The following DNHD1 variants were observed in gnomAD, a reference collection of about 807,000 sequenced individuals.
The protein encoded by DNHD1 is dynein heavy chain domain 1, also known as dynein heavy chain domain-containing protein 1.
A neutral mutation model predicts 458.1 loss-of-function variants in DNHD1; 383 were observed. That is an observed-to-expected ratio of 0.84 (90% CI 0.77 to 0.91). DNHD1 has a LOEUF of 0.91. Ranked by LOEUF, DNHD1 falls within the 40% of genes least tolerant of loss-of-function variation. DNHD1 has a pLI of 0.00. For missense variants in DNHD1, 5,336 were observed against 5,866.1 expected (o/e 0.91, Z 2.95); for synonymous variants, 2,203 against 2,376.9 (o/e 0.93, Z 2.13).
chr11:6,530,223 C>T (rs10769698), intron 12 of DNHD1, among the ~76,000 whole-genome samples: 103,211 of 152,044 alleles, frequency 0.68, 35,234 homozygotes, highest in East Asian at 0.87. Flanking sequence ...CATTCTACTA[C>T]CTATTTTCTC....
In DNHD1 at chr11:6,548,178, T is replaced by G; in HGVS notation, c.6906-32T>G. ...CATAAATGGAAGTGTTGTAACTGTCTGACGCTTTTGCCTGTGTGTCCATCT... is the reference window on the plus strand; with the variant it reads ...CATAAATGGAAGTGTTGTAACTGTCGGACGCTTTTGCCTGTGTGTCCATCT... On this transcript the variant is annotated intron_variant, in intron 22 of 42. Coordinates refer to ENST00000254579, the MANE Select transcript of DNHD1 (RefSeq NM_144666.3). The surrounding 1 kb of genome is among the most constrained non-coding windows in gnomAD (Gnocchi z 4.4). 3 of 1,549,690 alleles carry G rather than the reference T, an allele frequency of 1.9e-6. No homozygotes were observed. Among genetic ancestry groups the G allele is most frequent in the Non-Finnish European group, 2.6e-6 (3 of 1,145,286 alleles).
rs139951286 is a variant in DNHD1, at chr11:6,571,241, C to T, written c.13729C>T (p.Pro4577Ser). ...GVGADASSDV[P>S]ERVFHLSAFR... Reference sequence around the variant, plus strand: ...GGGCGCGGACGCGAGCAGTGATGTACCAGAGCGCGTCTTCCACCTGTCAGC... The same window carrying T: ...GGGCGCGGACGCGAGCAGTGATGTATCAGAGCGCGTCTTCCACCTGTCAGC... Residue 4577 changes from proline (P) to serine (S), a missense_variant, in exon 42 of 43, where the codon CCA becomes TCA. By Grantham distance (74) the Pro-to-Ser change is moderately conservative. This residue lies in a region of DNHD1 where 698 missense variants were observed against 664.9 expected (regional missense o/e 1.05). Transcript: ENST00000254579. This position sits in a 1 kb window ranked among gnomAD's most constrained non-coding sequence, Gnocchi z 5.0. The T allele has an allele frequency of 2.5e-3, 3,978 of 1,612,598 alleles. 16 individuals carry two copies. The highest frequency in any genetic ancestry group is 6.6e-3 in the South Asian group (603 of 90,950).
At chr11:6,511,747 G>A (rs371868258) in intron 7 of DNHD1, among the ~76,000 whole-genome samples, 1 of 152,216 alleles carries the variant, frequency 6.6e-6, no homozygotes, top group Non-Finnish European at 1.5e-5. Context: ...TTGAGAACAG[G>A]AATCCTGGTC....
At chr11:6,559,761 T>C (rs1431818421) in intron 28 of DNHD1, among the ~76,000 whole-genome samples, 1 of 152,242 alleles carries the variant, frequency 6.6e-6, no homozygotes, top group Admixed American at 6.5e-5. Context: ...ATTTGTATTA[T>C]GGCATAGAAC....
chr11:6,528,412 T>TGTGG, intron 10 of DNHD1, 110 bp from the exon 11 acceptor site: 1 of 1,162,980 alleles, frequency 8.6e-7, no homozygotes, highest in Non-Finnish European at 1.2e-6. Context: ...TGGGTGTGTG[T>TGTGG]GTGTGTGTGT....
At chr11:6,514,061 T>A (rs1852403856) in intron 7 of DNHD1, among the ~76,000 whole-genome samples, 1 of 152,086 alleles carries the variant, frequency 6.6e-6, no homozygotes, top group Admixed American at 6.6e-5. Context: ...TTAGCCAGGA[T>A]GGTCTCAATC....
At chr11:6,547,747 G>A (rs1853254855) in intron 21 of DNHD1, 81 bp downstream of exon 21, 7 of 1,484,042 alleles carry the variant, frequency 4.7e-6, no homozygotes, top group South Asian at 1.3e-5. Flanking sequence ...TGGGGCGTGT[G>A]TTCTTTGGTG....
At position 6,546,177 on chromosome 11, in the gene DNHD1, T is replaced by C. The variant is rs1473272561; in HGVS notation, c.5238T>C (p.Pro1746=). 2 of 1,550,970 alleles carry C rather than the reference T, an allele frequency of 1.3e-6. No homozygotes were observed. ...TGGAGAAAGTTCATCAGCTGCCCCC[T>C]GGCTTGCTCTCTGCCCTGGGCCAGC... ...LLLEKVHQLP[P]GLLSALGQRL... Residue 1746 remains proline, a synonymous_variant, in exon 21 of 43, where the codon CCT becomes CCC. Coordinates refer to ENST00000254579, the MANE Select transcript of DNHD1 (RefSeq NM_144666.3).
At chr11:6,501,167 T>C (rs1216980999) in intron 3 of DNHD1, among the ~76,000 whole-genome samples, 1 of 152,096 alleles carries the variant, frequency 6.6e-6, no homozygotes, top group Non-Finnish European at 1.5e-5. Flanking sequence ...GGAAGCTAGA[T>C]TGTGGTGCAT....
Position 6,544,615 on chromosome 11 carries a change from A to G in DNHD1, c.3796A>G (p.Ile1266Val). ...GTGGCTGACTTTCCAGCAGAAGTGG[A>G]TTTTTCTGAATAAAGTTCTGCATGA... is the stretch of plus-strand genomic sequence containing the variant. Reference protein sequence around the residue: ...EVWLTFQQKWIFLNKVLHEMK... With the variant: ...EVWLTFQQKWVFLNKVLHEMK... Residue 1266 changes from isoleucine to valine, a missense_variant, in exon 20 of 43, where the codon ATT becomes GTT. Ile to Val is a conservative substitution (Grantham distance 29). Coordinates refer to ENST00000254579, the MANE Select transcript of DNHD1 (RefSeq NM_144666.3). 1 of 1,551,364 alleles carries G rather than the reference A, an allele frequency of 6.4e-7. No homozygotes were observed. Among genetic ancestry groups the G allele is most frequent in the Non-Finnish European group, 8.7e-7 (1 of 1,146,914 alleles).
In DNHD1 at chr11:6,534,136, C is replaced by G; in HGVS notation, c.2961C>G (p.Asp987Glu). ...GTCAGTTCCAGAACACAGTCAGCGA[C>G]CTCAGTGAACTGCACCACGCCTATG... Reference protein sequence around the residue: ...LERQFQNTVSDLSELHHAYAI... With the variant: ...LERQFQNTVSELSELHHAYAI... The change falls in exon 14 of 43, where the codon GAC becomes GAG. Residue 987 changes from aspartate (D) to glutamate (E), a missense_variant. Transcript: ENST00000254579. 1 of 1,551,296 alleles carries G rather than the reference C, an allele frequency of 6.4e-7. No individual in the cohort carries two copies. Among genetic ancestry groups the G allele is most frequent in the African/African-American group, 1.4e-5 (1 of 73,080 alleles).
rs1401667681 is a variant in DNHD1 at position 6,564,777 on chromosome 11, T to C, written c.10729T>C (p.Phe3577Leu). ...DPLPLEENRS[F>L]APALTEGRGK... ...GCTGCCTCTGGAAGAGAATCGATCT[T>C]TTGCGCCAGCCCTCACTGAGGGTAG... The change falls in exon 32 of 43, where the codon TTT becomes CTT. Residue 3577 changes from phenylalanine (F) to leucine (L), a missense_variant. Phe to Leu is a conservative substitution (Grantham distance 22). Coordinates refer to ENST00000254579, the MANE Select transcript of DNHD1 (RefSeq NM_144666.3). The C allele has an allele frequency of 6.5e-7, 1 of 1,535,556 alleles. No homozygotes were observed. The highest frequency in any genetic ancestry group is 1.4e-5 in the African/African-American group (1 of 72,642).
chr11:6,516,976 AT>A (rs1321169452), intron 7 of DNHD1, among the ~76,000 whole-genome samples: 1 of 152,132 alleles, frequency 6.6e-6, no homozygotes, highest in East Asian at 1.9e-4. Flanking sequence ...TCAGGCCTCT[AT>A]AACAAAATAC....
rs758951617 is a variant in DNHD1, at chr11:6,566,583, C to A, written c.11207-4C>A. On this transcript the variant is annotated splice_region_variant and splice_polypyrimidine_tract_variant and intron_variant, in intron 34 of 42. Transcript: ENST00000254579. Reference sequence around the variant, plus strand: ...AGGTTAAGCATCTCCCATGTTACCCCAAGTGCTAGGTTGTGAACTGCTAAA... The same window carrying A: ...AGGTTAAGCATCTCCCATGTTACCCAAAGTGCTAGGTTGTGAACTGCTAAA... 6.2e-7 allele frequency: 1 copy of A among 1,613,206 alleles called. No homozygotes were observed. Among genetic ancestry groups the A allele is most frequent in the Non-Finnish European group, 8.5e-7 (1 of 1,179,740 alleles).
Position 6,547,072 on chromosome 11 carries a change from C to G in DNHD1, c.6133C>G (p.Leu2045Val). The G allele has an allele frequency of 3.9e-6, 6 of 1,551,702 alleles. No homozygotes were observed. Among genetic ancestry groups the G allele is most frequent in the Non-Finnish European group, 5.2e-6 (6 of 1,146,988 alleles). The change falls in exon 21 of 43, where the codon CTA becomes GTA. Residue 2045 changes from leucine (L) to valine (V), a missense_variant. Leu to Val is a conservative substitution (Grantham distance 32). Coordinates refer to ENST00000254579, the MANE Select transcript of DNHD1 (RefSeq NM_144666.3). ...CAGCCCCCAGGAGTTCCTGGGATGG[C>G]TAGAGGGCTCCTGCTGGCATCATGG... Reference protein sequence around the residue: ...GLSPQEFLGWLEGSCWHHGIF... With the variant: ...GLSPQEFLGWVEGSCWHHGIF...
At chr11:6,527,424 A>T (rs1035060256) in intron 10 of DNHD1, among the ~76,000 whole-genome samples, 1 of 152,226 alleles carries the variant, frequency 6.6e-6, no homozygotes, top group Non-Finnish European at 1.5e-5. Context: ...GATGTGTTGT[A>T]TGTGAAAAAG....
chr11:6,564,250 C>T, intron 31 of DNHD1, 83 bp from the exon 32 acceptor site: 1 of 1,450,630 alleles, frequency 6.9e-7, no homozygotes, highest in Non-Finnish European at 9.3e-7. Flanking sequence ...CCTCCACACC[C>T]CACCTTGCCC....
chr11:6,535,805 A>G (rs920525463), intron 14 of DNHD1, among the ~76,000 whole-genome samples: 2 of 152,232 alleles, frequency 1.3e-5, no homozygotes, highest in Non-Finnish European at 2.9e-5. Flanking sequence ...TAATTACCAG[A>G]TCAGATAAGG....
intron 24 of DNHD1, among the ~76,000 whole-genome samples, chr11:6,549,937 G>C (rs1401519480): frequency 1.3e-5 from 2 of 152,182 alleles, no homozygotes; most frequent in Non-Finnish European, 2.9e-5. Flanking sequence ...TCTAAATATG[G>C]CCATGGGATT....
Sources: gnomAD v4.1 joint callset for allele counts (sites outside exome capture counted in the v4.1 genomes callset) on GRCh38, gnomAD v4.1.1 for gene constraint, gnomAD v4.1.1 regional missense constraint, Gnocchi (gnomAD v3.1) non-coding constraint, MANE v1.5 for transcripts, NCBI Gene and HGNC (gene_info 2026-07-23, HGNC 2026-07-21) for gene names.